The following MUC3A variants were observed in gnomAD, a reference collection of about 807,000 sequenced individuals.
The protein encoded by MUC3A is mucin 3A, cell surface associated.
A neutral mutation model predicts 109.0 loss-of-function variants in MUC3A; 109 were observed. The observed-to-expected ratio is 1.00, with a 90% confidence interval of 0.86 to 1.17. The LOEUF is 1.17. Ranked by LOEUF, MUC3A falls within the 50% of genes most tolerant of loss-of-function variation. MUC3A has a pLI of 0.00. For missense variants in MUC3A, 3,537 were observed against 2,469.4 expected (o/e 1.43, Z -9.16); for synonymous variants, 1,398 against 981.4 (o/e 1.42, Z -7.93).
intron 3 of MUC3A, among the ~76,000 whole-genome samples, chr7:100,962,734 CCCT>C (rs1439010345): frequency 6.7e-6 from 1 of 148,392 alleles, no homozygotes; most frequent in Non-Finnish European, 1.5e-5. Context: ...TTTCTTCTTT[CCCT>C]CATCTTCACA....
At chr7:100,964,664 G>A (rs1178871867) in intron 5 of MUC3A, 31 bp from the exon 6 acceptor site, 1 of 1,580,364 alleles carries the variant, frequency 6.3e-7, no homozygotes, top group Admixed American at 1.7e-5. Context: ...GTTCCTGGCT[G>A]GGGCACTCTC....
Position 100,953,628 on chromosome 7 carries a change from A to G in MUC3A, c.1849A>G (p.Thr617Ala). ...TCCTGAGACCACCACACCGACTCCT[A>G]CAACTGACATGTCCACAGAATCTCT... ...TFPETTTPTP[T>A]TDMSTESLTT... Residue 617 changes from threonine (T) to alanine (A), a missense_variant, in exon 2 of 12, where the codon ACA (threonine) becomes GCA (alanine). Physicochemically the swap from Thr to Ala is moderately conservative, Grantham distance 58. Transcript: ENST00000379458. 2.3e-6 allele frequency: 1 copy of G among 429,062 alleles called. No individual in the cohort carries two copies. The highest frequency in any genetic ancestry group is 4.1e-6 in the Non-Finnish European group (1 of 244,594). 26.6% of individuals were successfully genotyped at this position (429,062 alleles called of 1,614,324 possible).
chr7:100,957,978 G>A lies in MUC3A; in HGVS notation c.6199G>A (p.Glu2067Lys). The change falls in exon 2 of 12, where the codon GAG (glutamate) becomes AAG (lysine). Residue 2067 changes from glutamate (E) to lysine (K), a missense_variant. Coordinates refer to ENST00000379458, the MANE Select transcript of MUC3A (RefSeq NM_005960.2). ...PSFTSLITIT[E>K]ITSHSTLSYT... ...CTTCACTTCATTGATCACCATCACC[G>A]AGATCACCTCACACAGTACTCTCAG... is the stretch of plus-strand genomic sequence containing the variant. The A allele has an allele frequency of 1.3e-5, 7 of 542,402 alleles. No individual in the cohort carries two copies. The highest frequency in any genetic ancestry group is 4.1e-5 in the African/African-American group (1 of 24,152). 33.6% of individuals were successfully genotyped at this position (542,402 alleles called of 1,614,324 possible). A position where few individuals can be genotyped will look rare whatever the true frequency, so the allele number is the denominator to read the frequency against.
Position 100,953,468 on chromosome 7 carries a change from C to T in MUC3A, c.1689C>T (p.His563=), listed in dbSNP as rs36172564. ...CTCCAGCCAGCACCAGTACACTCCACACAACAGCTGAATCCACCCTGGCAC... is the reference window on the plus strand; with the variant it reads ...CTCCAGCCAGCACCAGTACACTCCATACAACAGCTGAATCCACCCTGGCAC... The part of the protein sequence containing the change: ...SSPPASTSTL[H]TTAESTLAPT... The change falls in exon 2 of 12, where the codon CAC becomes CAT. Residue 563 remains histidine (H), a synonymous_variant. Transcript: ENST00000379458. 0.33 allele frequency: 149,737 copies of T among 458,320 alleles called. 1,315 individuals carry two copies. Among genetic ancestry groups the T allele is most frequent in the East Asian group, 0.47 (13,818 of 29,304 alleles). The allele number at this position is 458,320 out of a possible 1,614,324, so 28.4% of individuals were successfully genotyped here.
rs1584803360 is a variant in MUC3A at position 100,958,501 on chromosome 7, C to T, written c.6722C>T (p.Ser2241Phe). The T allele has an allele frequency of 4.5e-6, 4 of 894,470 alleles. No homozygotes were observed. The highest frequency in any genetic ancestry group is 2.7e-5 in the South Asian group (2 of 73,948). 55.4% of individuals were successfully genotyped at this position (894,470 alleles called of 1,614,324 possible). A position where few individuals can be genotyped will look rare whatever the true frequency, so the allele number is the denominator to read the frequency against. ...TTSHSTPGFT[S>F]SITTTETTSH... ...TCCCACAGTACTCCCGGCTTCACTT[C>T]TTCAATCACCACCACTGAGACTACA... Residue 2241 changes from serine (S) to phenylalanine (F), a missense_variant, in exon 2 of 12, where the codon TCT becomes TTT. By Grantham distance (155) the Ser-to-Phe change is radical (BLOSUM62 -2). Transcript: ENST00000379458.
rs1396225683 is a variant in MUC3A, at chr7:100,955,031, G to C, written c.3252G>C (p.Glu1084Asp). Reference protein sequence around the residue: ...TTITRSTPTSETTYPTSPTSI... With the variant: ...TTITRSTPTSDTTYPTSPTSI... ...TCACCAGATCTACACCTACATCTGA[G>C]ACCACCTACCCTACTTCTCCCACCA... The change falls in exon 2 of 12, where the codon GAG becomes GAC. Residue 1084 changes from glutamate (E) to aspartate (D), a missense_variant. Glu to Asp is a conservative substitution (Grantham distance 45). Transcript: ENST00000379458. 1.5e-5 allele frequency: 9 copies of C among 589,994 alleles called. No individual in the cohort carries two copies. The highest frequency in any genetic ancestry group is 1.1e-4 in the African/African-American group (6 of 53,472). The allele number at this position is 589,994 out of a possible 1,614,324, so 36.5% of individuals were successfully genotyped here.
rs149441362 is a variant in MUC3A at position 100,968,020 on chromosome 7, TCTC to T, written c.*860_*862del. On this transcript the variant is annotated 3_prime_UTR_variant, in exon 12 of 12. Transcript: ENST00000379458. ...ATCACCCTGCTGCCCAATTCTTTAT[TCTC>T]CACCCCTTTCTCTCACCCCTGGAGC... is the stretch of plus-strand genomic sequence containing the variant. 14,004 of 72,946 alleles carry T rather than the reference TCTC, an allele frequency of 0.19. 7 individuals carry two copies. The highest frequency in any genetic ancestry group is 0.24 in the African/African-American group (3,656 of 15,396). The allele number at this position is 72,946 out of a possible 1,614,324, so 4.5% of individuals were successfully genotyped here.
chr7:100,952,210 T>C lies in MUC3A; in HGVS notation c.431T>C (p.Ile144Thr). The C allele has an allele frequency of 6.3e-7, 1 of 1,598,546 alleles. No homozygotes were observed. The highest frequency in any genetic ancestry group is 8.5e-7 in the Non-Finnish European group (1 of 1,179,798). The change falls in exon 2 of 12, where the codon ATC (isoleucine) becomes ACC (threonine). Residue 144 changes from isoleucine to threonine, a missense_variant. By Grantham distance (89) the Ile-to-Thr change is moderately conservative. Transcript: ENST00000379458. Reference sequence around the variant, plus strand: ...ATCACCATCTCCCACCCCACCTCCATCTGTGTGACCACGACGCAGGTGGCC... The same window carrying C: ...ATCACCATCTCCCACCCCACCTCCACCTGTGTGACCACGACGCAGGTGGCC... ...FIITISHPTS[I>T]CVTTTQVAFT...
At position 100,965,814 on chromosome 7, in the gene MUC3A, A is replaced by G. The variant is rs778907837; in HGVS notation, c.9559A>G (p.Ile3187Val). Residue 3187 changes from isoleucine (I) to valine (V), a missense_variant, in exon 8 of 12, where the codon ATC becomes GTC. Ile to Val is a conservative substitution (Grantham distance 29). Coordinates refer to ENST00000379458, the MANE Select transcript of MUC3A (RefSeq NM_005960.2). ...TKCTSGVDNA[I>V]DCHQGQCVLE... The stretch of plus-strand genomic sequence containing the variant: ...ATGCACGTCGGGGGTGGACAACGCC[A>G]TCGACTGTCACCAGGGCCAGTGCGT... 5.0e-6 allele frequency: 8 copies of G among 1,597,400 alleles called. No homozygotes were observed. Among genetic ancestry groups the G allele is most frequent in the African/African-American group, 2.7e-5 (2 of 74,918 alleles).
rs1475899826 is a variant in MUC3A at position 100,956,295 on chromosome 7, G to A, written c.4516G>A (p.Glu1506Lys). Residue 1506 changes from glutamate to lysine, a missense_variant, in exon 2 of 12, where the codon GAA (glutamate) becomes AAA (lysine). By Grantham distance (56) the Glu-to-Lys change is moderately conservative. Coordinates refer to ENST00000379458, the MANE Select transcript of MUC3A (RefSeq NM_005960.2). ...CACCTCTTCCTTGGTCTCAACCGCA[G>A]AAACAGCCAAAACTCCTACCACAAA... The part of the protein sequence containing the change: ...PPTSSLVSTA[E>K]TAKTPTTNLV... 3.7e-6 allele frequency: 2 copies of A among 542,196 alleles called. No homozygotes were observed. The highest frequency in any genetic ancestry group is 3.2e-5 in the South Asian group (1 of 31,478). 33.6% of individuals were successfully genotyped at this position (542,196 alleles called of 1,614,324 possible).
At chr7:100,963,857 G>A (rs1384843448) in intron 5 of MUC3A, 105 bp downstream of exon 5, 3 of 1,474,468 alleles carry the variant, frequency 2.0e-6, no homozygotes, top group African/African-American at 1.4e-5. Context: ...TTATAAAGAG[G>A]GGTGGAGGGG....
At position 100,966,553 on chromosome 7, in the gene MUC3A, G is replaced by A; in HGVS notation, c.9779G>A (p.Arg3260Gln). ...VRSGWWGGQRRGRSWDQDRKW... is the reference protein window; with the variant it reads ...VRSGWWGGQRQGRSWDQDRKW... ...TCCGGATGGTGGGGCGGCCAGCGCC[G>A]AGGCCGGTGAGCGTGCGGGGGGCGG... Residue 3260 changes from arginine (R) to glutamine (Q), a missense_variant, in exon 9 of 12, where the codon CGA becomes CAA. By Grantham distance (43) the Arg-to-Gln change is conservative. Coordinates refer to ENST00000379458, the MANE Select transcript of MUC3A (RefSeq NM_005960.2). 1.4e-6 allele frequency: 2 copies of A among 1,422,092 alleles called. No homozygotes were observed. Among genetic ancestry groups the A allele is most frequent in the Non-Finnish European group, 1.8e-6 (2 of 1,100,044 alleles). 88.1% of individuals were successfully genotyped at this position (1,422,092 alleles called of 1,614,324 possible).
chr7:100,952,771 C>T lies in MUC3A; in HGVS notation c.992C>T (p.Thr331Ile). ...ACTACCATCAGCAGGTCTACACCTA[C>T]ATCTGAGACCACCTACACTACTTCT... ...LPTTISRSTPTSETTYTTSPT... is the reference protein window; with the variant it reads ...LPTTISRSTPISETTYTTSPT... The change falls in exon 2 of 12, where the codon ACA becomes ATA. Residue 331 changes from threonine to isoleucine, a missense_variant. By Grantham distance (89) the Thr-to-Ile change is moderately conservative. Coordinates refer to ENST00000379458, the MANE Select transcript of MUC3A (RefSeq NM_005960.2). The T allele has an allele frequency of 6.4e-7, 1 of 1,563,652 alleles. No homozygotes were observed. Among genetic ancestry groups the T allele is most frequent in the Non-Finnish European group, 8.6e-7 (1 of 1,162,256 alleles).
At position 100,958,345 on chromosome 7, in the gene MUC3A, C is replaced by G. The variant is rs1792160150; in HGVS notation, c.6566C>G (p.Thr2189Ser). 6.6e-5 allele frequency: 53 copies of G among 805,082 alleles called. No homozygotes were observed. The highest frequency in any genetic ancestry group is 1.3e-4 in the South Asian group (10 of 75,066). 49.9% of individuals were successfully genotyped at this position (805,082 alleles called of 1,614,324 possible). ...ETTSYSTPSF[T>S]SSNTITETTS... ...ACATCCTACAGTACTCCCAGCTTCA[C>G]TTCTTCAAATACCATCACTGAGACC... Residue 2189 changes from threonine (T) to serine (S), a missense_variant, in exon 2 of 12, where the codon ACT (threonine) becomes AGT (serine). By Grantham distance (58) the Thr-to-Ser change is moderately conservative (BLOSUM62 1). Transcript: ENST00000379458.
chr7:100,963,776 G>A (rs934738741), intron 5 of MUC3A, 24 bp downstream of exon 5: 23 of 1,598,516 alleles, frequency 1.4e-5, no homozygotes, highest in African/African-American at 1.1e-4. Context: ...CTGGGGATGC[G>A]GAGGCGGTGT....
At chr7:100,966,128 G>C in intron 8 of MUC3A, 1 of 535,914 alleles carries the variant, frequency 1.9e-6, no homozygotes, top group East Asian at 3.5e-5. Context: ...CCGCCTCCTC[G>C]TTCTAGGGTT....
Position 100,960,314 on chromosome 7 carries a change from T to G in MUC3A, c.8535T>G (p.Asn2845Lys). ...MPESESSISP[N>K]ASSSTGTGTV... Reference sequence around the variant, plus strand: ...AAAGTGAGTCCAGCATCTCACCCAATGCTTCCAGTTCCACTGGCACTGGGA... The same window carrying G: ...AAAGTGAGTCCAGCATCTCACCCAAGGCTTCCAGTTCCACTGGCACTGGGA... The change falls in exon 2 of 12, where the codon AAT (asparagine) becomes AAG (lysine). Residue 2845 changes from asparagine (N) to lysine (K), a missense_variant. Transcript: ENST00000379458. The G allele has an allele frequency of 6.3e-7, 1 of 1,598,546 alleles. No individual in the cohort carries two copies. Among genetic ancestry groups the G allele is most frequent in the Non-Finnish European group, 8.5e-7 (1 of 1,179,824 alleles).
chr7:100,966,269 A>ACCCCCCAGCTTGCCCTAGGGTGGCAC, intron 8 of MUC3A, 117 bp from the exon 9 acceptor site: 1 of 984,760 alleles, frequency 1.0e-6, no homozygotes, highest in Non-Finnish European at 1.3e-6. Flanking sequence ...CTAGGGTGGA[A>ACCCCCCAGCTTGCCCTAGGGTGGCAC]CCCCCCGCTG....
At chr7:100,951,349 A>T (rs545686117) in intron 1 of MUC3A, among the ~76,000 whole-genome samples, 2 of 152,414 alleles carry the variant, frequency 1.3e-5, no homozygotes, top group South Asian at 4.1e-4. Flanking sequence ...CCCTGCCAGG[A>T]CATGGCTGGG....
Sources: gnomAD v4.1 joint callset for allele counts (sites outside exome capture counted in the v4.1 genomes callset) on GRCh38, gnomAD v4.1.1 for gene constraint, MANE v1.5 for transcripts, NCBI Gene and HGNC (gene_info 2026-07-23, HGNC 2026-07-21) for gene names.